The following METTL21A variants were observed in gnomAD, a reference collection of about 807,000 sequenced individuals.
The protein encoded by METTL21A is protein N-lysine methyltransferase METTL21A.
Under a neutral mutation model 20.9 loss-of-function variants are expected in METTL21A, and 22 were observed. That is an observed-to-expected ratio of 1.05 (90% CI 0.75 to 1.50). The LOEUF (loss-of-function observed/expected upper bound fraction) is 1.50, where lower values mean the gene tolerates loss of function less well. Among genes scored for constraint, METTL21A ranks in the 40% most tolerant of loss-of-function variants. The pLI is 0.00. For synonymous variants in METTL21A, 93 were observed against 102.0 expected (o/e 0.91, Z 0.53); for missense variants, 271 against 266.8 (o/e 1.02, Z -0.11).
At chr2:207,587,478 A>G (rs537289344) in intron 3 of METTL21A, among the ~76,000 whole-genome samples, 1 of 152,332 alleles carries the variant, frequency 6.6e-6, no homozygotes, top group East Asian at 1.9e-4. Context: ...CTGGGTATCT[A>G]TTCAAAAGAA....
At position 207,581,726 on chromosome 2, in the gene METTL21A, A is replaced by G. The variant is rs962239652; in HGVS notation, c.*421T>C. The G allele has an allele frequency of 1.5e-4, 90 of 606,940 alleles. No homozygotes were observed. In the East Asian group the frequency reaches 2.5e-3, roughly 17 times the overall value. 37.6% of individuals were successfully genotyped at this position (606,940 alleles called of 1,614,324 possible). A position where few individuals can be genotyped will look rare whatever the true frequency, so the allele number is the denominator to read the frequency against. Reference sequence around the variant, plus strand: ...CATAACCAGGGTACATTTATCAAAAATAAAAGTACATTGGTATAATACCAT... The same window carrying G: ...CATAACCAGGGTACATTTATCAAAAGTAAAAGTACATTGGTATAATACCAT... On this transcript the variant is annotated 3_prime_UTR_variant, in exon 4 of 4. Coordinates refer to the METTL21A transcript ENST00000425132.
intron 3 of METTL21A, among the ~76,000 whole-genome samples, chr2:207,596,325 G>C (rs567630625): frequency 1.3e-5 from 2 of 152,312 alleles, no homozygotes; most frequent in African/African-American, 4.8e-5. Flanking sequence ...CTTAGTTATT[G>C]ATATGGATAG....
chr2:207,603,855 A>G (rs970683982), intron 3 of METTL21A, among the ~76,000 whole-genome samples: 1 of 152,222 alleles, frequency 6.6e-6, no homozygotes, highest in Non-Finnish European at 1.5e-5. Context: ...GTAAGAATAA[A>G]AAAGTTATCT....
At chr2:207,591,392 T>G (rs1164165605) in intron 3 of METTL21A, among the ~76,000 whole-genome samples, 1 of 152,210 alleles carries the variant, frequency 6.6e-6, no homozygotes, top group African/African-American at 2.4e-5. Context: ...GAAGAATGCT[T>G]TGTCTGATAC....
At chr2:207,607,155 G>A (rs569062595), downstream of METTL21A, among the ~76,000 whole-genome samples, 63 of 152,220 alleles carry the variant, frequency 4.1e-4, no homozygotes, top group African/African-American at 1.4e-3. Flanking sequence ...TTGGGAGGGC[G>A]AGGCAGGTCG....
At chr2:207,617,776 C>T (rs1253957798) in intron 3 of METTL21A, among the ~76,000 whole-genome samples, 1 of 152,026 alleles carries the variant, frequency 6.6e-6, no homozygotes, top group Non-Finnish European at 1.5e-5. Flanking sequence ...AGGCAGGTGA[C>T]AGATGATGAG....
exon 4 of METTL21A, chr2:207,581,778 C>G: frequency 1.5e-6 from 1 of 683,410 alleles, no homozygotes; most frequent in Non-Finnish European, 2.6e-6. Context: ...TTTATTTCCC[C>G]AGTTTTTTTA....
At chr2:207,615,462 C>T (rs1486983848) in intron 3 of METTL21A, among the ~76,000 whole-genome samples, 2 of 151,840 alleles carry the variant, frequency 1.3e-5, no homozygotes, top group African/African-American at 4.8e-5. Context: ...CTTTGGGAGG[C>T]CGAGGCAGGT....
At chr2:207,614,806 A>G (rs2089471497) in intron 3 of METTL21A, among the ~76,000 whole-genome samples, 1 of 152,210 alleles carries the variant, frequency 6.6e-6, no homozygotes, top group Admixed American at 6.5e-5. Context: ...AAGATATAAT[A>G]TGTGTAGTAC....
intron 3 of METTL21A, chr2:207,602,405 CA>C (rs1243149564): frequency 9.9e-6 from 2 of 201,484 alleles, no homozygotes; most frequent in Non-Finnish European, 2.0e-5. Context: ...TTCTCACCAG[CA>C]AGTAAAAGGA....
At chr2:207,622,012 C>G in intron 2 of METTL21A, 95 bp from the exon 3 acceptor site, 1 of 1,032,768 alleles carries the variant, frequency 9.7e-7, no homozygotes, top group Non-Finnish European at 1.5e-6. Context: ...TCTCCCACTT[C>G]GAGGTTCAAT....
intron 3 of METTL21A, among the ~76,000 whole-genome samples, chr2:207,585,077 G>C (rs921743643): frequency 6.6e-6 from 1 of 151,996 alleles, no homozygotes; most frequent in South Asian, 2.1e-4. Context: ...CTGAGGATTG[G>C]TTGGTCCTGC....
chr2:207,581,399 T>C (rs2082935444), downstream of METTL21A: 1 of 202,340 alleles, frequency 4.9e-6, no homozygotes, highest in Admixed American at 6.0e-5. Context: ...GAAGATGTTC[T>C]CGGACAAAAG....
chr2:207,591,060 T>G (rs1480891611), intron 3 of METTL21A, among the ~76,000 whole-genome samples: 2 of 152,184 alleles, frequency 1.3e-5, no homozygotes, highest in African/African-American at 2.4e-5. Context: ...AGAACATACT[T>G]TGTATTATTT....
chr2:207,583,899 C>T lies in METTL21A; in HGVS notation c.260-1739G>A, dbSNP rs191745145. Among the ~76,000 whole-genome samples the T allele has an allele frequency of 1.4e-3, 217 of 152,326 alleles. 1 individual carries two copies. Among genetic ancestry groups the T allele is most frequent in the Non-Finnish European group, 2.7e-3 (181 of 68,024 alleles). On this transcript the variant is annotated intron_variant, in intron 3 of 3. Coordinates refer to the METTL21A transcript ENST00000425132. Reference sequence around the variant, plus strand: ...TCTACCCTTATAGTTCTGCCTATTCCATAATCTCTTATAAATGGTATCTTA... The same window carrying T: ...TCTACCCTTATAGTTCTGCCTATTCTATAATCTCTTATAAATGGTATCTTA...
At chr2:207,607,894 G>A (rs895051836), downstream of METTL21A, among the ~76,000 whole-genome samples, 5 of 151,930 alleles carry the variant, frequency 3.3e-5, no homozygotes, top group Non-Finnish European at 2.9e-5. Flanking sequence ...GATAAAATAT[G>A]TAAGTAAAAA....
chr2:207,596,529 G>A (rs1257687212), intron 3 of METTL21A, among the ~76,000 whole-genome samples: 7 of 152,142 alleles, frequency 4.6e-5, no homozygotes, highest in Non-Finnish European at 8.8e-5. Flanking sequence ...TGCCTCCCAG[G>A]TTCAAGCGAT....
At chr2:207,619,829 A>G (rs775815621) in intron 3 of METTL21A, among the ~76,000 whole-genome samples, 7 of 152,228 alleles carry the variant, frequency 4.6e-5, no homozygotes, top group Non-Finnish European at 8.8e-5. Flanking sequence ...TGTGTCACTC[A>G]GTGAGCCAGC....
At chr2:207,598,850 TA>T (rs11319861) in intron 3 of METTL21A, 147,079 of 173,814 alleles carry the variant, frequency 0.85, 62,509 homozygotes, top group East Asian at 1. Context: ...AAAATAAAAA[TA>T]AAAAAAATGT....
Sources: allele counts gnomAD v4.1 joint callset (sites outside exome capture counted in the v4.1 genomes callset), GRCh38; gene constraint gnomAD v4.1.1; transcripts MANE v1.5; gene names NCBI Gene and HGNC (gene_info 2026-07-23, HGNC 2026-07-21).